Variants in ZNF385D observed in about 807,000 individuals in gnomAD.
The protein encoded by ZNF385D is zinc finger protein 659.
A neutral mutation model predicts 35.8 loss-of-function variants in ZNF385D; 15 were observed. That is an observed-to-expected ratio of 0.42 (90% CI 0.28 to 0.64). The LOEUF (loss-of-function observed/expected upper bound fraction) is 0.64. ZNF385D is among the 30% of genes least tolerant of loss of function. The probability of loss-of-function intolerance (pLI) is 0.23; values close to 1 mark genes in which losing one functional copy is unlikely to be tolerated. For synonymous variants in ZNF385D, 212 were observed against 186.8 expected (o/e 1.13, Z -1.10); for missense variants, 474 against 494.6 (o/e 0.96, Z 0.39).
chr3:21,928,006 T>A (rs1700818687), intron 3 of ZNF385D, among the ~76,000 whole-genome samples: 1 of 152,078 alleles, frequency 6.6e-6, no homozygotes, highest in Non-Finnish European at 1.5e-5. Context: ...GGAAGTTCAC[T>A]TGAGCACAGG....
At chr3:21,956,393 C>T (rs9811248) in intron 3 of ZNF385D, among the ~76,000 whole-genome samples, 103,507 of 151,552 alleles carry the variant, frequency 0.68, 36,455 homozygotes, top group Non-Finnish European at 0.77. Context: ...ATAGTAATAA[C>T]GAGAAGATAA....
chr3:22,313,548 TAA>T (rs1257004563), intron 2 of ZNF385D, among the ~76,000 whole-genome samples: 1 of 151,840 alleles, frequency 6.6e-6, no homozygotes, highest in Non-Finnish European at 1.5e-5. Flanking sequence ...AACATGTTTT[TAA>T]AAAAGATATT....
chr3:21,762,525 G>T (rs2070664321), intron 3 of ZNF385D, among the ~76,000 whole-genome samples: 2 of 152,084 alleles, frequency 1.3e-5, no homozygotes, highest in African/African-American at 4.8e-5. Context: ...TTATCACTTG[G>T]ATCTTACTAG....
chr3:22,275,202 T>C (rs1559492855), intron 2 of ZNF385D, among the ~76,000 whole-genome samples: 1 of 152,230 alleles, frequency 6.6e-6, no homozygotes, highest in East Asian at 1.9e-4. Context: ...ATCACTGTGG[T>C]ATTAATCAGA....
intron 3 of ZNF385D, among the ~76,000 whole-genome samples, chr3:21,993,982 C>T (rs1478812000): frequency 6.6e-6 from 1 of 152,176 alleles, no homozygotes; most frequent in Non-Finnish European, 1.5e-5. Flanking sequence ...GCTGCTCTGC[C>T]TCACCAGTAC....
chr3:21,706,158 C>T (rs970204188), intron 1 of ZNF385D, among the ~76,000 whole-genome samples: 1 of 152,110 alleles, frequency 6.6e-6, no homozygotes, highest in Admixed American at 6.6e-5. Flanking sequence ...TTACCTTTCT[C>T]AAAGGACAAA....
At chr3:21,574,107 T>A (rs1257401871) in intron 2 of ZNF385D, among the ~76,000 whole-genome samples, 1 of 149,706 alleles carries the variant, frequency 6.7e-6, no homozygotes, top group Non-Finnish European at 1.5e-5. Context: ...AGAAAGAATG[T>A]ATCTAGGCAG....
At chr3:22,122,556 T>C (rs889400694) in intron 3 of ZNF385D, among the ~76,000 whole-genome samples, 3 of 151,986 alleles carry the variant, frequency 2.0e-5, no homozygotes, top group African/African-American at 7.2e-5. Context: ...TAAAGAAAAG[T>C]GACAAAGCTC....
chr3:22,130,722 T>C (rs542892336), intron 3 of ZNF385D, among the ~76,000 whole-genome samples: 1 of 152,278 alleles, frequency 6.6e-6, no homozygotes, highest in South Asian at 2.1e-4. Flanking sequence ...AAGACTGCCT[T>C]TTCTACCATC....
At chr3:22,146,525 T>C (rs924603629) in intron 3 of ZNF385D, among the ~76,000 whole-genome samples, 1 of 152,192 alleles carries the variant, frequency 6.6e-6, no homozygotes, top group African/African-American at 2.4e-5. Flanking sequence ...ATACCATGTA[T>C]TATTATAATT....
intron 3 of ZNF385D, among the ~76,000 whole-genome samples, chr3:22,162,159 T>C (rs1168401619): frequency 2.0e-5 from 3 of 152,162 alleles, no homozygotes; most frequent in Admixed American, 6.6e-5. Context: ...AAGGAAAGTA[T>C]TAAATCGTGT....
intron 2 of ZNF385D, among the ~76,000 whole-genome samples, chr3:22,320,619 C>T (rs919027465): frequency 4.1e-5 from 6 of 147,466 alleles, no homozygotes; most frequent in South Asian, 2.2e-4. Context: ...GATTACTTAC[C>T]TTGGCAACTA....
intron 3 of ZNF385D, among the ~76,000 whole-genome samples, chr3:21,935,698 C>A (rs1187728388): frequency 6.6e-6 from 1 of 151,778 alleles, no homozygotes; most frequent in Non-Finnish European, 1.5e-5. Context: ...TAGGCAGACT[C>A]AGTTTCCCTA....
chr3:21,801,301 T>C (rs1201729008), intron 3 of ZNF385D, among the ~76,000 whole-genome samples: 1 of 152,170 alleles, frequency 6.6e-6, no homozygotes, highest in Non-Finnish European at 1.5e-5. Flanking sequence ...TTGATGTCTT[T>C]ATCTGGTTTT....
intron 3 of ZNF385D, among the ~76,000 whole-genome samples, chr3:21,866,852 A>C (rs1697391956): frequency 6.6e-6 from 1 of 152,204 alleles, no homozygotes; most frequent in Non-Finnish European, 1.5e-5. Context: ...AGGCCTGCCT[A>C]GGGCCCACAT....
At chr3:21,753,657 T>C (rs1240121460), upstream of ZNF385D, among the ~76,000 whole-genome samples, 1 of 152,234 alleles carries the variant, frequency 6.6e-6, no homozygotes, top group African/African-American at 2.4e-5. Context: ...AAGTTGTTTA[T>C]CTCTGGATGG....
At chr3:21,680,179 A>T (rs1358018362) in intron 1 of ZNF385D, among the ~76,000 whole-genome samples, 2 of 151,908 alleles carry the variant, frequency 1.3e-5, no homozygotes, top group Non-Finnish European at 2.9e-5. Flanking sequence ...TTCCTCTCAG[A>T]TTTACTTCTT....
At chr3:21,446,034 C>A (rs781351852) in intron 4 of ZNF385D, among the ~76,000 whole-genome samples, 2 of 152,112 alleles carry the variant, frequency 1.3e-5, no homozygotes, top group Admixed American at 6.6e-5. Flanking sequence ...CTTTAGTATG[C>A]GTCAGAATCA....
chr3:21,798,922 A>G (rs528302160), intron 3 of ZNF385D, among the ~76,000 whole-genome samples: 88 of 152,290 alleles, frequency 5.8e-4, no homozygotes, highest in African/African-American at 1.7e-3. Flanking sequence ...TTTCATCCTC[A>G]AAAGAAAATC....
Sources: gnomAD v4.1 joint callset for allele counts (sites outside exome capture counted in the v4.1 genomes callset) on GRCh38, gnomAD v4.1.1 for gene constraint, MANE v1.5 for transcripts, NCBI Gene and HGNC (gene_info 2026-07-23, HGNC 2026-07-21) for gene names.